Variants in P4HA2 observed in about 807,000 individuals in gnomAD.
P4HA2 encodes the protein prolyl 4-hydroxylase subunit alpha-2.
P4HA2 carries 46 observed loss-of-function variants against 76.9 expected under a neutral mutation model. The ratio of observed to expected loss-of-function variants is 0.60; its 90% CI spans 0.47 to 0.76. P4HA2 has a LOEUF of 0.76. Among genes scored for constraint, P4HA2 ranks in the 30% least tolerant of loss-of-function variants. The probability of loss-of-function intolerance (pLI) is 0.00; values close to 1 mark genes in which losing one functional copy is unlikely to be tolerated. For missense variants in P4HA2, 583 were observed against 669.4 expected, an observed-to-expected ratio of 0.87 and a Z score of 1.42; for synonymous variants, 243 against 254.0, an observed-to-expected ratio of 0.96 and a Z score of 0.41.
chr5:132,195,303 G>A, intron 13 of P4HA2, 109 bp downstream of exon 13: 1 of 852,918 alleles, frequency 1.2e-6, no homozygotes, highest in Non-Finnish European at 2.0e-6. Context: ...GGTGGGCTAA[G>A]GCACATCACA....
intron 5 of P4HA2, among the ~76,000 whole-genome samples, chr5:132,212,014 C>A (rs899322058): frequency 6.6e-6 from 1 of 152,182 alleles, no homozygotes; most frequent in Non-Finnish European, 1.5e-5. Flanking sequence ...CCAGAGCCAA[C>A]TCGAATGTCT....
intron 8 of P4HA2, 26 bp from the exon 9 acceptor site, chr5:132,204,178 C>T: frequency 6.4e-7 from 1 of 1,574,190 alleles, no homozygotes; most frequent in Non-Finnish European, 8.7e-7. Flanking sequence ...AGAGGGAAGA[C>T]TTGATTTGTT....
rs1469998234 is a variant in P4HA2, at chr5:132,195,403, A to G, written c.1434+9T>C. ...CTTCAACCTCTGACCCACAAGAATCAGAACTTACCTTCTTAGGCCAAATTG... is the reference window on the plus strand; with the variant it reads ...CTTCAACCTCTGACCCACAAGAATCGGAACTTACCTTCTTAGGCCAAATTG... On this transcript the variant is annotated intron_variant, in intron 13 of 14. Transcript: ENST00000360568. 7 of 1,602,690 alleles carry G rather than the reference A, an allele frequency of 4.4e-6. No individual in the cohort carries two copies. Among genetic ancestry groups the G allele is most frequent in the Non-Finnish European group, 6.0e-6 (7 of 1,169,626 alleles).
intron 7 of P4HA2, among the ~76,000 whole-genome samples, chr5:132,208,787 G>C (rs1170888116): frequency 2.0e-5 from 3 of 152,010 alleles, no homozygotes; most frequent in African/African-American, 4.8e-5. Context: ...CTTTACCACA[G>C]AGACTTACTC....
At chr5:132,200,399 C>A in intron 10 of P4HA2, 1 of 160,744 alleles carries the variant, frequency 6.2e-6, no homozygotes. Context: ...CCAAAAATAC[C>A]TGGAAATCCT....
intron 14 of P4HA2, among the ~76,000 whole-genome samples, chr5:132,194,166 C>G (rs931080759): frequency 6.6e-6 from 1 of 152,156 alleles, no homozygotes; most frequent in Non-Finnish European, 1.5e-5. Flanking sequence ...TAAAGTAATA[C>G]TCAGTGTGTA....
At position 132,207,120 on chromosome 5, in the gene P4HA2, T is replaced by A. The variant is rs143231367; in HGVS notation, c.1080+588A>T. Among the ~76,000 whole-genome samples the A allele has an allele frequency of 7.8e-3, 1,185 of 152,284 alleles. 5 individuals carry two copies. The highest frequency in any genetic ancestry group is 0.01 in the Non-Finnish European group (683 of 68,022). ...GTAAAATCAATAGTTTGGCATATAA[T>A]AGTAAACTAATAAAATAATGTAACC... On this transcript the variant is annotated intron_variant, in intron 8 of 14. Transcript: ENST00000360568.
chr5:132,199,001 G>A, intron 10 of P4HA2, 69 bp from the exon 11 acceptor site: 2 of 1,061,326 alleles, frequency 1.9e-6, no homozygotes, highest in Non-Finnish European at 3.0e-6. Flanking sequence ...ATCACTCTAG[G>A]GATACCATCT....
At chr5:132,221,929 C>T (rs1754699522) in intron 1 of P4HA2, 1 of 152,198 alleles carries the variant, frequency 6.6e-6, no homozygotes, top group Admixed American at 6.5e-5. Flanking sequence ...CCAAGACATA[C>T]AACCAGAGGT....
At position 132,207,714 on chromosome 5, in the gene P4HA2, T is replaced by G; in HGVS notation, c.1074A>C (p.Lys358Asn). 1 of 1,613,574 alleles carries G rather than the reference T, an allele frequency of 6.2e-7. No individual in the cohort carries two copies. Among genetic ancestry groups the G allele is most frequent in the South Asian group, 1.1e-5 (1 of 91,048 alleles). Residue 358 changes from lysine to asparagine, a missense_variant, in exon 8 of 15, where the codon AAA becomes AAC. Physicochemically the swap from Lys to Asn is moderately conservative, Grantham distance 94. Coordinates refer to ENST00000360568, the MANE Select transcript of P4HA2 (RefSeq NM_001017974.2). Reference sequence around the variant, plus strand: ...GACCTACAGTGACACCTACTTTAGGTTTTGCGATCTCCTTGATCCTCTCGA... The same window carrying G: ...GACCTACAGTGACACCTACTTTAGGGTTTGCGATCTCCTTGATCCTCTCGA... ...EEIERIKEIA[K>N]PKLARATVRD...
At chr5:132,217,871 A>C in intron 2 of P4HA2, 23 bp from the exon 3 acceptor site, 1 of 1,454,546 alleles carries the variant, frequency 6.9e-7, no homozygotes, top group Non-Finnish European at 9.6e-7. Flanking sequence ...GAAGAAAGAC[A>C]CCAGTGAGAA....
At chr5:132,210,114 G>A (rs1752861369) in intron 6 of P4HA2, among the ~76,000 whole-genome samples, 170 bp downstream of exon 6, 1 of 152,236 alleles carries the variant, frequency 6.6e-6, no homozygotes, top group Non-Finnish European at 1.5e-5. Flanking sequence ...AGGTGGGTAA[G>A]GAGCTAGTAA....
In P4HA2 at chr5:132,220,136, A is replaced by C. The variant is rs1269600072; in HGVS notation, c.-18-1492T>G. Reference sequence around the variant, plus strand: ...CAGAAGAGAGCAAGTCATCAAGAGAAAGTGAGTAAGCCTGGGCTTGCCCTG... The same window carrying C: ...CAGAAGAGAGCAAGTCATCAAGAGACAGTGAGTAAGCCTGGGCTTGCCCTG... On this transcript the variant is annotated intron_variant, in intron 1 of 14. Transcript: ENST00000360568. Among the ~76,000 whole-genome samples the C allele has an allele frequency of 5.3e-5, 8 of 152,312 alleles. No homozygotes were observed. In the East Asian group the frequency reaches 7.7e-4, roughly 15 times the overall value.
chr5:132,217,857 G>A lies in P4HA2; in HGVS notation c.83-9C>T, dbSNP rs564286593. On this transcript the variant is annotated splice_polypyrimidine_tract_variant and intron_variant, in intron 2 of 14. Coordinates refer to ENST00000360568, the MANE Select transcript of P4HA2 (RefSeq NM_001017974.2). ...CAGGTCAGTCATGTGCCCTGCAAGG[G>A]AGAGAAGAAAGACACCAGTGAGAAA... 5 of 1,572,126 alleles carry A rather than the reference G, an allele frequency of 3.2e-6. No individual in the cohort carries two copies. The South Asian group carries it at 5.6e-5, about 18-fold the overall frequency.
Position 132,195,853 on chromosome 5 carries a change from A to T in P4HA2, c.1366-373T>A, listed in dbSNP as rs76569012. The T allele has an allele frequency of 1.0e-3, 288 of 285,666 alleles. 3 individuals are homozygous for T. The highest frequency in any genetic ancestry group is 5.1e-3 in the African/African-American group (238 of 46,246). 17.7% of individuals were successfully genotyped at this position (285,666 alleles called of 1,614,324 possible). A position where few individuals can be genotyped will look rare whatever the true frequency, so the allele number is the denominator to read the frequency against. ...CCACTGTACTCTGCAAAGTGCCCTG[A>T]CCAGGAGCTCTGTACTGTTTCCAAC... is the stretch of plus-strand genomic sequence containing the variant. On this transcript the variant is annotated intron_variant, in intron 12 of 14. Coordinates refer to ENST00000360568, the MANE Select transcript of P4HA2 (RefSeq NM_001017974.2).
chr5:132,207,355 C>A (rs1752340560), intron 8 of P4HA2, among the ~76,000 whole-genome samples: 1 of 152,198 alleles, frequency 6.6e-6, no homozygotes, highest in South Asian at 2.1e-4. Context: ...TAATCAGGAG[C>A]TCCACAGGAC....
chr5:132,195,282 G>A, intron 13 of P4HA2, 130 bp downstream of exon 13: 1 of 748,950 alleles, frequency 1.3e-6, no homozygotes, highest in East Asian at 2.6e-5. Context: ...GGGCTACCAG[G>A]TCAGACCCCA....
chr5:132,193,049 C>T lies in P4HA2; in HGVS notation c.1563G>A (p.Gln521=), dbSNP rs1199721217. 1.9e-6 allele frequency: 3 copies of T among 1,613,126 alleles called. No individual in the cohort carries two copies. The highest frequency in any genetic ancestry group is 2.5e-6 in the Non-Finnish European group (3 of 1,179,066). ...TTGATCCACAAGGTCTCAAGAACTC[C>T]TGTCCTCGTTCATGGAACCACTTAT... is the stretch of plus-strand genomic sequence containing the variant. ...VSNKWFHERG[Q]EFLRPCGSTE... is the part of the protein sequence containing the mutation. Residue 521 remains glutamine (Q), a synonymous_variant, in exon 15 of 15, where the codon CAG becomes CAA. Coordinates refer to ENST00000360568, the MANE Select transcript of P4HA2 (RefSeq NM_001017974.2).
chr5:132,202,769 A>C (rs928216596), intron 10 of P4HA2: 4 of 152,286 alleles, frequency 2.6e-5, no homozygotes, highest in Admixed American at 2.6e-4. Context: ...CCTCTGAATA[A>C]AGGCAGGAAG....
Sources: allele counts gnomAD v4.1 joint callset (sites outside exome capture counted in the v4.1 genomes callset), GRCh38; gene constraint gnomAD v4.1.1; transcripts MANE v1.5; gene names NCBI Gene and HGNC (gene_info 2026-07-23, HGNC 2026-07-21).